Variants in BANK1 observed in about 807,000 individuals in gnomAD.
BANK1 encodes the protein B-cell scaffold protein with ankyrin repeats.
In BANK1, 95 loss-of-function variants were observed where a neutral mutation model predicts 94.5. The ratio of observed to expected loss-of-function variants is 1.00; its 90% CI spans 0.85 to 1.19. The LOEUF is 1.19. Ranked by LOEUF, BANK1 falls within the 50% of genes most tolerant of loss-of-function variation. The pLI, the probability that BANK1 is intolerant of heterozygous loss-of-function variation, is 0.00. For missense variants in BANK1, 987 were observed against 932.2 expected (o/e 1.06, Z -0.77); for synonymous variants, 334 against 308.4 (o/e 1.08, Z -0.87).
At chr4:101,950,678 C>T (rs576778178) in intron 7 of BANK1, among the ~76,000 whole-genome samples, 1 of 152,298 alleles carries the variant, frequency 6.6e-6, no homozygotes, top group African/African-American at 2.4e-5. Context: ...TAATGACTTC[C>T]TTTCAAAGAG....
At chr4:101,952,827 C>T (rs560357470) in intron 7 of BANK1, among the ~76,000 whole-genome samples, 20 of 152,090 alleles carry the variant, frequency 1.3e-4, no homozygotes, top group Non-Finnish European at 2.9e-4. Flanking sequence ...TGAGTCTGCG[C>T]CCTTACCACA....
chr4:101,845,799 T>C (rs150300613), intron 2 of BANK1, among the ~76,000 whole-genome samples: 8 of 152,384 alleles, frequency 5.2e-5, no homozygotes, highest in South Asian at 2.1e-4. Flanking sequence ...TATAATCTTA[T>C]GCTATGGTAA....
intron 7 of BANK1, among the ~76,000 whole-genome samples, chr4:102,008,071 A>G (rs1203582350): frequency 6.6e-6 from 1 of 152,136 alleles, no homozygotes; most frequent in African/African-American, 2.4e-5. Flanking sequence ...ATTATCTTTT[A>G]TGTCTCTTAT....
chr4:102,055,380 C>A (rs972190905), intron 11 of BANK1, among the ~76,000 whole-genome samples: 13 of 151,880 alleles, frequency 8.6e-5, no homozygotes, highest in Non-Finnish European at 8.8e-5. Flanking sequence ...TCAACATTAT[C>A]AGAAATTTCT....
intron 7 of BANK1, among the ~76,000 whole-genome samples, chr4:101,946,686 A>G (rs1019384514): frequency 2.0e-5 from 3 of 151,998 alleles, no homozygotes; most frequent in Non-Finnish European, 2.9e-5. Flanking sequence ...TCATTAAAAC[A>G]TAGGGACTAC....
At chr4:101,878,113 A>G (rs1728556329) in intron 5 of BANK1, among the ~76,000 whole-genome samples, 1 of 152,160 alleles carries the variant, frequency 6.6e-6, no homozygotes, top group Non-Finnish European at 1.5e-5. Flanking sequence ...TATCAGTAAA[A>G]ACCTTAAATG....
intron 7 of BANK1, among the ~76,000 whole-genome samples, chr4:101,967,541 G>A (rs748798918): frequency 9.1e-4 from 138 of 152,078 alleles, no homozygotes; most frequent in Non-Finnish European, 1.5e-3. Context: ...GGGAAGTTCA[G>A]ACAAAATTAC....
chr4:102,012,737 T>C (rs547394684), intron 7 of BANK1, among the ~76,000 whole-genome samples: 118 of 152,288 alleles, frequency 7.7e-4, no homozygotes, highest in African/African-American at 2.8e-3. Context: ...ACAATTCTAG[T>C]CTTTTATTAC....
intron 7 of BANK1, among the ~76,000 whole-genome samples, chr4:101,976,676 G>A (rs1289928717): frequency 6.6e-6 from 1 of 152,022 alleles, no homozygotes; most frequent in Non-Finnish European, 1.5e-5. Context: ...AATGCCATAT[G>A]CTTCCTATGA....
At chr4:101,799,674 G>A (rs940811908) in intron 1 of BANK1, among the ~76,000 whole-genome samples, 6 of 151,960 alleles carry the variant, frequency 3.9e-5, no homozygotes, top group Admixed American at 6.6e-5. Context: ...GGAGATCGAG[G>A]CCATCCTGGC....
At chr4:101,956,488 C>T (rs569341565) in intron 7 of BANK1, among the ~76,000 whole-genome samples, 2 of 152,286 alleles carry the variant, frequency 1.3e-5, no homozygotes, top group African/African-American at 4.8e-5. Context: ...AAGTCCTAGA[C>T]ATCATCTATT....
chr4:101,816,904 A>G (rs1362528858), intron 1 of BANK1, among the ~76,000 whole-genome samples: 1 of 152,170 alleles, frequency 6.6e-6, no homozygotes, highest in Non-Finnish European at 1.5e-5. Flanking sequence ...TCAAATAGAA[A>G]GGAGTCAACG....
chr4:101,995,516 G>A (rs189287571), intron 7 of BANK1, among the ~76,000 whole-genome samples: 96 of 151,570 alleles, frequency 6.3e-4, no homozygotes, highest in African/African-American at 2.0e-3. Context: ...CTGAGGAATC[G>A]CCACACTGAC....
chr4:101,970,970 C>T (rs182334051), intron 7 of BANK1, among the ~76,000 whole-genome samples: 420 of 152,186 alleles, frequency 2.8e-3, no homozygotes, highest in Non-Finnish European at 4.1e-3. Flanking sequence ...TCATAGCGTG[C>T]AGGCGTGTAA....
chr4:102,072,702 A>G (rs1389823266), intron 15 of BANK1, among the ~76,000 whole-genome samples: 7 of 152,240 alleles, frequency 4.6e-5, no homozygotes, highest in Non-Finnish European at 8.8e-5. Context: ...CAATAGAAAT[A>G]TGATAAGTCT....
intron 4 of BANK1, among the ~76,000 whole-genome samples, chr4:101,867,483 A>G (rs1463000310): frequency 6.6e-6 from 1 of 151,970 alleles, no homozygotes; most frequent in South Asian, 2.1e-4. Flanking sequence ...GAGCATAGAG[A>G]ATAAATGAAT....
At chr4:101,941,555 C>T (rs1217615942) in intron 7 of BANK1, among the ~76,000 whole-genome samples, 3 of 151,720 alleles carry the variant, frequency 2.0e-5, no homozygotes, top group Non-Finnish European at 4.4e-5. Flanking sequence ...TGGAAACCTA[C>T]AAGAGGATAA....
intron 1 of BANK1, among the ~76,000 whole-genome samples, chr4:101,816,318 T>G (rs1249581003): frequency 6.6e-6 from 1 of 152,228 alleles, no homozygotes; most frequent in Non-Finnish European, 1.5e-5. Flanking sequence ...GTATATTTAA[T>G]TCTGAAATGA....
At chr4:101,823,764 T>G (rs1726262047) in intron 1 of BANK1, among the ~76,000 whole-genome samples, 1 of 152,232 alleles carries the variant, frequency 6.6e-6, no homozygotes, top group African/African-American at 2.4e-5. Flanking sequence ...AAGAAGAAAG[T>G]GGAAAATTCT....
Sources: allele counts gnomAD v4.1 joint callset (sites outside exome capture counted in the v4.1 genomes callset), GRCh38; gene constraint gnomAD v4.1.1; transcripts MANE v1.5; gene names NCBI Gene and HGNC (gene_info 2026-07-23, HGNC 2026-07-21).